Variants in FOLH1 observed in about 807,000 individuals in gnomAD.
FOLH1 encodes the protein glutamate carboxypeptidase 2.
A neutral mutation model predicts 93.9 loss-of-function variants in FOLH1; 54 were observed. The observed-to-expected ratio is 0.57, with a 90% confidence interval of 0.46 to 0.72. The LOEUF (loss-of-function observed/expected upper bound fraction) is 0.72, where lower values mean the gene tolerates loss of function less well. FOLH1 is among the 30% of genes least tolerant of loss of function. The pLI is 0.00. For synonymous variants in FOLH1, 249 were observed against 303.6 expected (o/e 0.82, Z 1.87); for missense variants, 571 against 892.5 (o/e 0.64, Z 4.59).
intron 15 of FOLH1, 26 bp downstream of exon 15, chr11:49,156,691 T>A (rs1458217629): frequency 1.2e-6 from 2 of 1,612,316 alleles, no homozygotes; most frequent in Admixed American, 3.3e-5. Flanking sequence ...TCATAAATAA[T>A]CTTAGATAAT....
chr11:49,205,909 G>GA (rs1375671528), intron 2 of FOLH1, among the ~76,000 whole-genome samples, 158 bp downstream of exon 2: 1 of 152,158 alleles, frequency 6.6e-6, no homozygotes, highest in Non-Finnish European at 1.5e-5. Context: ...AAATTTAGCT[G>GA]AAAGTATAGT....
At chr11:49,155,406 G>T (rs1856897718) in intron 15 of FOLH1, among the ~76,000 whole-genome samples, 1 of 152,038 alleles carries the variant, frequency 6.6e-6, no homozygotes, top group African/African-American at 2.4e-5. Context: ...AGCCCATGAG[G>T]AAAGGCTTAC....
rs175849 is a variant in FOLH1 at position 49,173,342 on chromosome 11, G to A, written c.1225+15C>T. ...CAGATAGGCTGTTTTTTTTCTTGCT[G>A]TTTGTTTGTATTACCTTCCTTTTTC... is the stretch of plus-strand genomic sequence containing the variant. On this transcript the variant is annotated intron_variant, in intron 10 of 18. Transcript: ENST00000256999. 0.26 allele frequency: 417,059 copies of A among 1,595,936 alleles called. 59,883 individuals carry two copies. Among genetic ancestry groups the A allele is most frequent in the African/African-American group, 0.57 (42,104 of 74,152 alleles).
intron 10 of FOLH1, among the ~76,000 whole-genome samples, chr11:49,172,213 T>C (rs935832496): frequency 6.6e-6 from 1 of 152,228 alleles, no homozygotes; most frequent in African/African-American, 2.4e-5. Flanking sequence ...CAGTGATGTT[T>C]TGTATAGTTA....
rs748829971 is a variant in FOLH1, at chr11:49,185,695, G to C, written c.800C>G (p.Pro267Arg). 1.2e-6 allele frequency: 2 copies of C among 1,613,818 alleles called. No individual in the cohort carries two copies. Among genetic ancestry groups the C allele is most frequent in the African/African-American group, 1.3e-5 (1 of 75,010 alleles). ...ATTTGCTGGGTAACCTGGTGTGAGA[G>C]GGTCTCCTGCACCATTCAGATTTAG... Reference protein sequence around the residue: ...NILNLNGAGDPLTPGYPANEY... With the variant: ...NILNLNGAGDRLTPGYPANEY... The change falls in exon 6 of 19, where the codon CCT becomes CGT. Residue 267 changes from proline (P) to arginine (R), a missense_variant. Transcript: ENST00000256999.
intron 13 of FOLH1, among the ~76,000 whole-genome samples, chr11:49,158,672 C>A (rs570601301): frequency 2.6e-5 from 4 of 152,152 alleles, no homozygotes; most frequent in Admixed American, 2.6e-4. Flanking sequence ...GTGAAGAATG[C>A]CAACAATAGT....
chr11:49,165,032 C>T (rs985531088), intron 12 of FOLH1, among the ~76,000 whole-genome samples: 1 of 152,158 alleles, frequency 6.6e-6, no homozygotes, highest in Non-Finnish European at 1.5e-5. Context: ...CATCTTTGCA[C>T]ACACTGTCCT....
intron 13 of FOLH1, among the ~76,000 whole-genome samples, chr11:49,159,921 T>TTTTTG (rs1857499311): frequency 1.3e-5 from 2 of 151,252 alleles, no homozygotes; most frequent in Non-Finnish European, 2.9e-5. Context: ...TTTTTTTCTG[T>TTTTTG]TTTTGTTTTG....
chr11:49,185,228 C>T (rs1861227966), intron 6 of FOLH1, among the ~76,000 whole-genome samples: 1 of 152,138 alleles, frequency 6.6e-6, no homozygotes, highest in African/African-American at 2.4e-5. Context: ...AACAGCAAAA[C>T]CTGATCTGAC....
At position 49,160,445 on chromosome 11, in the gene FOLH1, T is replaced by C. The variant is rs566403035; in HGVS notation, c.1441-2402A>G. 5.3e-4 allele frequency among the ~76,000 whole-genome samples: 81 copies of C among 151,960 alleles called. 1 individual carries two copies. The highest frequency in any genetic ancestry group is 9.7e-4 in the Non-Finnish European group (66 of 67,986). On this transcript the variant is annotated intron_variant, in intron 13 of 18. Transcript: ENST00000256999. ...TGTTAACTTGAGATCTTTCTAATGT[T>C]TTTTTCTTTTTTTTTGAGACGGAGT... is the stretch of plus-strand genomic sequence containing the variant.
intron 18 of FOLH1, among the ~76,000 whole-genome samples, chr11:49,147,612 G>A (rs1590390386): frequency 6.6e-6 from 1 of 152,158 alleles, no homozygotes; most frequent in East Asian, 1.9e-4. Context: ...CAGAAGAGAA[G>A]GACAAACTCC....
chr11:49,181,616 T>TC (rs1860749483), intron 7 of FOLH1, among the ~76,000 whole-genome samples: 1 of 152,204 alleles, frequency 6.6e-6, no homozygotes, highest in South Asian at 2.1e-4. Flanking sequence ...TTGTGTTGTC[T>TC]ACAGTTTTCC....
Position 49,146,114 on chromosome 11 carries a change from G to C in FOLH1, c.*642C>G, listed in dbSNP as rs1380214003. 6.6e-6 allele frequency among the ~76,000 whole-genome samples: 1 copy of C among 152,116 alleles called. No individual in the cohort carries two copies. Among genetic ancestry groups the C allele is most frequent in the Non-Finnish European group, 1.5e-5 (1 of 68,018 alleles). On this transcript the variant is annotated 3_prime_UTR_variant, in exon 19 of 19. Transcript: ENST00000256999. ...TTCAAGAAAATGCAAAAGCATAACT[G>C]TCATTAGTACATGGGGCATCCAAAG...
chr11:49,166,109 G>A (rs747845150), intron 12 of FOLH1, among the ~76,000 whole-genome samples: 14 of 152,306 alleles, frequency 9.2e-5, no homozygotes, highest in Non-Finnish European at 1.6e-4. Context: ...TGAATACATT[G>A]TAGATTTTTG....
chr11:49,180,144 T>C (rs1261600019), intron 7 of FOLH1, among the ~76,000 whole-genome samples: 2 of 152,228 alleles, frequency 1.3e-5, no homozygotes, highest in African/African-American at 4.8e-5. Context: ...TCTCACTTAC[T>C]CTCTGAACAT....
intron 2 of FOLH1, among the ~76,000 whole-genome samples, chr11:49,201,255 G>GATATATATATATATATATATATAT (rs35326986): frequency 7.1e-6 from 1 of 139,876 alleles, no homozygotes; most frequent in African/African-American, 2.6e-5. Flanking sequence ...AGCATGAAAA[G>GATATATATATATATATATATATAT]ATATATATAT....
intron 12 of FOLH1, among the ~76,000 whole-genome samples, chr11:49,168,246 T>C (rs1244847601): frequency 1.3e-5 from 2 of 151,388 alleles, no homozygotes; most frequent in East Asian, 1.9e-4. Flanking sequence ...CAAAGGAGGG[T>C]CTAAGGATAA....
At chr11:49,202,413 T>C (rs1385091008) in intron 2 of FOLH1, among the ~76,000 whole-genome samples, 1 of 152,060 alleles carries the variant, frequency 6.6e-6, no homozygotes, top group Non-Finnish European at 1.5e-5. Context: ...TCTCTTTTTT[T>C]TTTGTAAGAG....
intron 15 of FOLH1, 104 bp from the exon 16 acceptor site, chr11:49,154,596 A>G: frequency 6.7e-7 from 1 of 1,501,496 alleles, no homozygotes. Context: ...GTGATGGATC[A>G]AGGAAAGTAC....
Sources: allele counts gnomAD v4.1 joint callset (sites outside exome capture counted in the v4.1 genomes callset), GRCh38; gene constraint gnomAD v4.1.1; transcripts MANE v1.5; gene names NCBI Gene and HGNC (gene_info 2026-07-23, HGNC 2026-07-21).